Variants in PRXL2A observed in about 807,000 individuals in gnomAD.
PRXL2A encodes the protein peroxiredoxin-like 2A.
Under a neutral mutation model 25.6 loss-of-function variants are expected in PRXL2A, and 26 were observed. The ratio of observed to expected loss-of-function variants is 1.02; its 90% CI spans 0.74 to 1.41. The LOEUF is 1.41. Among genes scored for constraint, PRXL2A ranks in the 40% most tolerant of loss-of-function variants. PRXL2A has a pLI of 0.00. For synonymous variants in PRXL2A, 98 were observed against 102.9 expected (o/e 0.95, Z 0.29); for missense variants, 246 against 273.9 (o/e 0.90, Z 0.72).
At chr10:80,418,197 T>A (rs911106176) in intron 1 of PRXL2A, among the ~76,000 whole-genome samples, 1 of 151,416 alleles carries the variant, frequency 6.6e-6, no homozygotes, top group African/African-American at 2.4e-5. Context: ...CTGTCCCCAG[T>A]GTCTGTTATT....
At chr10:80,423,617 C>T (rs976943162) in intron 3 of PRXL2A, among the ~76,000 whole-genome samples, 1 of 152,206 alleles carries the variant, frequency 6.6e-6, no homozygotes, top group Non-Finnish European at 1.5e-5. Context: ...TACCCTACCC[C>T]CAGGGCACTG....
intron 3 of PRXL2A, among the ~76,000 whole-genome samples, chr10:80,424,996 T>A (rs1844996854): frequency 6.6e-6 from 1 of 152,248 alleles, no homozygotes; most frequent in South Asian, 2.1e-4. Context: ...TTGTAATCAA[T>A]TCTGCCTCAT....
At chr10:80,417,084 G>A (rs1844686067) in intron 1 of PRXL2A, among the ~76,000 whole-genome samples, 1 of 152,206 alleles carries the variant, frequency 6.6e-6, no homozygotes, top group Admixed American at 6.5e-5. Flanking sequence ...CCTGGTTTAG[G>A]AAGGGGAGGG....
At chr10:80,408,410 CCGGAG>C (rs1844340679), upstream of PRXL2A, 1 of 152,158 alleles carries the variant, frequency 6.6e-6, no homozygotes, top group Admixed American at 6.5e-5. Context: ...CCGAGCGCCA[CCGGAG>C]CTAGGAGACC....
In PRXL2A at chr10:80,428,958, G is replaced by C. The variant is rs186350177; in HGVS notation, c.576+1462G>C. ...ACTGTGTTGCCCAGGCTGGAGTGCA[G>C]TGGTGCGATCTCGGCTCACTGCAAG... On this transcript the variant is annotated intron_variant, in intron 5 of 5. Transcript: ENST00000606162. Among the ~76,000 whole-genome samples, 801 of 152,150 alleles carry C rather than the reference G, an allele frequency of 5.3e-3. 6 individuals are homozygous for C. The highest frequency in any genetic ancestry group is 0.019 in the African/African-American group (771 of 41,490).
chr10:80,428,982 A>G (rs1159448591), intron 5 of PRXL2A, among the ~76,000 whole-genome samples: 1 of 151,946 alleles, frequency 6.6e-6, no homozygotes, highest in Admixed American at 6.6e-5. Context: ...GCTCACTGCA[A>G]GCTCCACCTC....
In PRXL2A at chr10:80,427,337, G is replaced by A. The variant is rs752199497; in HGVS notation, c.417G>A (p.Lys139=). The A allele has an allele frequency of 1.2e-6, 2 of 1,613,654 alleles. No homozygotes were observed. Among genetic ancestry groups the A allele is most frequent in the Non-Finnish European group, 1.7e-6 (2 of 1,179,838 alleles). The change falls in exon 5 of 6, where the codon AAG becomes AAA. Residue 139 remains lysine (K), a synonymous_variant. Transcript: ENST00000606162. ...KGEIFLDEKK[K]FYGPQRRKMM... is the part of the protein sequence containing the mutation. ...CTGTCTTTCTCACTCCATAGAAAAA[G>A]TTCTATGGTCCACAAAGGCGGAAGA...
intron 2 of PRXL2A, among the ~76,000 whole-genome samples, chr10:80,421,913 G>T (rs1844878201): frequency 1.3e-5 from 2 of 152,250 alleles, no homozygotes; most frequent in South Asian, 4.1e-4. Context: ...AGATTCAGTT[G>T]GACCTTAGAG....
intron 1 of PRXL2A, among the ~76,000 whole-genome samples, chr10:80,416,076 G>T (rs1203550775): frequency 6.6e-6 from 1 of 152,228 alleles, no homozygotes; most frequent in Admixed American, 6.5e-5. Flanking sequence ...TACAGAAGTT[G>T]TTCCAGGCTC....
chr10:80,429,192 A>G (rs1845149272), intron 5 of PRXL2A, among the ~76,000 whole-genome samples: 1 of 152,140 alleles, frequency 6.6e-6, no homozygotes, highest in Non-Finnish European at 1.5e-5. Flanking sequence ...TTCCTTTTAC[A>G]GCTTGGTAAC....
At chr10:80,424,571 CAA>C (rs35230786) in intron 3 of PRXL2A, among the ~76,000 whole-genome samples, 5 of 133,236 alleles carry the variant, frequency 3.8e-5, no homozygotes, top group Non-Finnish European at 4.9e-5. Flanking sequence ...GGGCAAGACT[CAA>C]AAAAAAAAAA....
At chr10:80,420,005 T>G (rs1274109768) in intron 1 of PRXL2A, 5 of 985,452 alleles carry the variant, frequency 5.1e-6, no homozygotes, top group Non-Finnish European at 6.0e-6. Context: ...CTAAGTATCC[T>G]CTGATCACAG....
intron 1 of PRXL2A, among the ~76,000 whole-genome samples, chr10:80,418,946 A>G (rs995400873): frequency 6.6e-6 from 1 of 152,104 alleles, no homozygotes; most frequent in Non-Finnish European, 1.5e-5. Context: ...TCTTTTGCCC[A>G]GCCTCCTCTG....
At chr10:80,424,389 C>T (rs1204012265) in intron 3 of PRXL2A, among the ~76,000 whole-genome samples, 13 of 104,694 alleles carry the variant, frequency 1.2e-4, no homozygotes, top group South Asian at 3.3e-4. Context: ...GGCAACATAG[C>T]GAGACCCTGT....
At chr10:80,422,580 C>G in intron 3 of PRXL2A, 72 bp downstream of exon 3, 2 of 1,230,710 alleles carry the variant, frequency 1.6e-6, no homozygotes, top group Non-Finnish European at 2.4e-6. Context: ...CCGGCCAGAA[C>G]CAAGGGTCGG....
At chr10:80,416,451 C>T (rs1844663778) in intron 1 of PRXL2A, among the ~76,000 whole-genome samples, 1 of 151,828 alleles carries the variant, frequency 6.6e-6, no homozygotes, top group Admixed American at 6.6e-5. Context: ...TGTTTGGGCA[C>T]AGAACTGAGG....
In PRXL2A at chr10:80,432,664, C is replaced by G. The variant is rs776790908; in HGVS notation, c.*565C>G. 1 of 148,392 alleles carries G rather than the reference C, an allele frequency of 6.7e-6. No homozygotes were observed. The highest frequency in any genetic ancestry group is 1.5e-5 in the Non-Finnish European group (1 of 67,346). 9.2% of individuals were successfully genotyped at this position (148,392 alleles called of 1,614,324 possible). ...AAAAAAAAAAAAAAAAAATTGATTG[C>G]TGTGCCTCATTACAAATGCATATGA... On this transcript the variant is annotated 3_prime_UTR_variant, in exon 6 of 6. Transcript: ENST00000606162.
In PRXL2A at chr10:80,429,800, G is replaced by A. The variant is rs113496742; in HGVS notation, c.577-2186G>A. On this transcript the variant is annotated intron_variant, in intron 5 of 5. Coordinates refer to ENST00000606162, the MANE Select transcript of PRXL2A (RefSeq NM_032333.5). ...CCCATCCTCTTCCCACTCTGACAAC[G>A]TGGGGTTCCTTCCCCTACCCGCCTC... Among the ~76,000 whole-genome samples, 286 of 152,184 alleles carry A rather than the reference G, an allele frequency of 1.9e-3. 3 individuals are homozygous for A. The highest frequency in any genetic ancestry group is 6.7e-3 in the African/African-American group (278 of 41,526).
chr10:80,430,959 G>A (rs1363742377), intron 5 of PRXL2A, among the ~76,000 whole-genome samples: 4 of 152,000 alleles, frequency 2.6e-5, no homozygotes, highest in Admixed American at 6.6e-5. Context: ...GCGCGATCTC[G>A]GCTCACTGCA....
Sources: gnomAD v4.1 joint callset for allele counts (sites outside exome capture counted in the v4.1 genomes callset) on GRCh38, gnomAD v4.1.1 for gene constraint, MANE v1.5 for transcripts, NCBI Gene and HGNC (gene_info 2026-07-23, HGNC 2026-07-21) for gene names.